The following AP3S2 variants were observed in gnomAD, a reference collection of about 807,000 sequenced individuals.
AP3S2 encodes AP-3 complex subunit sigma-2.
In AP3S2, 22 loss-of-function variants were observed where a neutral mutation model predicts 23.4. The observed-to-expected ratio is 0.94, with a 90% CI of 0.67 to 1.34. The LOEUF (loss-of-function observed/expected upper bound fraction) is 1.34, where lower values mean the gene tolerates loss of function less well. AP3S2 is among the 40% of genes most tolerant of loss of function. AP3S2 has a pLI of 0.00. For synonymous variants in AP3S2, 86 were observed against 87.1 expected, an observed-to-expected ratio of 0.99 and a Z score of 0.07; for missense variants, 241 against 236.9, an observed-to-expected ratio of 1.02 and a Z score of -0.11.
chr15:89,891,444 T>G (rs1896818366), intron 1 of AP3S2, among the ~76,000 whole-genome samples: 1 of 152,018 alleles, frequency 6.6e-6, no homozygotes, highest in African/African-American at 2.4e-5. Flanking sequence ...AGATTACTTG[T>G]GGTCAGGAGT....
Position 89,866,872 on chromosome 15 carries a change from T to C in AP3S2, c.345+4603A>G, listed in dbSNP as rs1449175634. 3.3e-5 allele frequency among the ~76,000 whole-genome samples: 5 copies of C among 152,220 alleles called. No homozygotes were observed. The East Asian group carries it at 7.7e-4, about 24-fold the overall frequency. On this transcript the variant is annotated intron_variant, in intron 4 of 5. Transcript: ENST00000336418. ...CAAAGCTACTCTCACAGGTGCCTGA[T>C]AAAAAAGACAGCATTGGAGGAGGTG...
intron 3 of AP3S2, chr15:89,877,150 AAGTT>A (rs527343339): frequency 7.1e-4 from 287 of 402,998 alleles, no homozygotes; most frequent in Non-Finnish European, 1.2e-3. Context: ...TTGATGAAGA[AAGTT>A]AGAAGACTTT....
intron 4 of AP3S2, among the ~76,000 whole-genome samples, chr15:89,859,304 C>CTTCCTTCCTTTCCTTCCTTCCTCT (rs1567179143): frequency 7.0e-6 from 1 of 143,532 alleles, no homozygotes; most frequent in African/African-American, 2.6e-5. Flanking sequence ...CTTTTTCTTC[C>CTTCCTTCCTTTCCTTCCTTCCTCT]TTCCTTCCTT....
chr15:89,889,756 C>T (rs1596225041), intron 1 of AP3S2, among the ~76,000 whole-genome samples: 1 of 149,568 alleles, frequency 6.7e-6, no homozygotes, highest in Non-Finnish European at 1.5e-5. Flanking sequence ...CCCAGCTACT[C>T]GGGAGGCTGA....
intron 3 of AP3S2, chr15:89,877,090 A>G: frequency 3.4e-6 from 1 of 296,602 alleles, no homozygotes; most frequent in Non-Finnish European, 6.7e-6. Flanking sequence ...TGTCATATAT[A>G]TGGAAATTAG....
chr15:89,887,326 T>A (rs1203612965), intron 3 of AP3S2, among the ~76,000 whole-genome samples: 1 of 152,172 alleles, frequency 6.6e-6, no homozygotes, highest in Non-Finnish European at 1.5e-5. Context: ...ACTTTTATCT[T>A]AAGAAAACAA....
chr15:89,835,226 G>A lies in AP3S2; in HGVS notation c.*289C>T. The A allele has an allele frequency of 6.0e-6, 3 of 498,914 alleles. No individual in the cohort carries two copies. The highest frequency in any genetic ancestry group is 1.0e-5 in the Non-Finnish European group (3 of 286,132). 30.9% of individuals were successfully genotyped at this position (498,914 alleles called of 1,614,324 possible). On this transcript the variant is annotated 3_prime_UTR_variant, in exon 6 of 6. Transcript: ENST00000336418. ...CCATGTGAGAGGTAAAGGTGCAAAT[G>A]ACTTGGGCATGTTGACTCCCTACTG... is the stretch of plus-strand genomic sequence containing the variant.
In AP3S2 at chr15:89,855,128, G is replaced by T. The variant is rs886604785; in HGVS notation, c.345+16347C>A. On this transcript the variant is annotated intron_variant, in intron 4 of 5. Transcript: ENST00000336418. ...AAGATTGAGAAATCGGATGGTTGCCGTGTCTGTGTAGAAAGAAGTAGACAT... is the reference window on the plus strand; with the variant it reads ...AAGATTGAGAAATCGGATGGTTGCCTTGTCTGTGTAGAAAGAAGTAGACAT... Among the ~76,000 whole-genome samples the T allele has an allele frequency of 8.3e-5, 11 of 132,746 alleles. No individual in the cohort carries two copies. In the East Asian group the frequency reaches 9.3e-4, roughly 11 times the overall value. The allele number at this position is 132,746 out of a possible 152,430, so 87.1% of individuals were successfully genotyped here.
intron 3 of AP3S2, among the ~76,000 whole-genome samples, chr15:89,880,105 T>A (rs1166114766): frequency 6.6e-6 from 1 of 151,666 alleles, no homozygotes; most frequent in Non-Finnish European, 1.5e-5. Context: ...GGATCTAGAC[T>A]TCACTGGAGT....
chr15:89,876,832 AT>A, intron 3 of AP3S2: 1 of 157,396 alleles, frequency 6.4e-6, no homozygotes. Context: ...GTTACTAGAG[AT>A]TTTGTTCTCA....
chr15:89,866,630 C>T (rs1000943172), intron 4 of AP3S2, among the ~76,000 whole-genome samples: 2 of 151,900 alleles, frequency 1.3e-5, no homozygotes, highest in Non-Finnish European at 2.9e-5. Flanking sequence ...GAATTATAGG[C>T]ATGCACCACC....
At chr15:89,869,302 G>C (rs1301413720) in intron 4 of AP3S2, among the ~76,000 whole-genome samples, 1 of 146,874 alleles carries the variant, frequency 6.8e-6, no homozygotes, top group South Asian at 2.2e-4. Context: ...AACATGTGCT[G>C]TGTCCACTCA....
intron 4 of AP3S2, among the ~76,000 whole-genome samples, chr15:89,858,487 GAAAGA>G: frequency 1.4e-5 from 1 of 69,966 alleles, no homozygotes; most frequent in African/African-American, 6.0e-5. Flanking sequence ...AAGAAAGAAA[GAAAGA>G]AAGAGAGAGA....
At chr15:89,872,552 C>G (rs542104256) in intron 3 of AP3S2, among the ~76,000 whole-genome samples, 24 of 152,164 alleles carry the variant, frequency 1.6e-4, no homozygotes, top group Non-Finnish European at 2.9e-4. Context: ...CAGACAATGA[C>G]CTCATTTAAA....
chr15:89,853,174 G>A (rs1393336294), intron 4 of AP3S2, among the ~76,000 whole-genome samples: 1 of 152,162 alleles, frequency 6.6e-6, no homozygotes, highest in Non-Finnish European at 1.5e-5. Context: ...ATCAGCAAGG[G>A]AGTTAGTAAA....
intron 1 of AP3S2, among the ~76,000 whole-genome samples, chr15:89,889,863 C>CAAAAAAA (rs940624860): frequency 1.0e-4 from 2 of 19,256 alleles, no homozygotes; most frequent in African/African-American, 3.2e-4. Flanking sequence ...GACTCCATCT[C>CAAAAAAA]AAAAAAAAAA....
chr15:89,849,656 T>G (rs570404290), intron 4 of AP3S2, among the ~76,000 whole-genome samples: 9 of 152,174 alleles, frequency 5.9e-5, no homozygotes, highest in Non-Finnish European at 8.8e-5. Flanking sequence ...CATGAGCCAC[T>G]GCGCCCAGCC....
chr15:89,878,423 T>C (rs1896493407), intron 3 of AP3S2: 1 of 486,034 alleles, frequency 2.1e-6, no homozygotes, highest in East Asian at 3.4e-5. Context: ...AATGAGCCTT[T>C]TGAAAAGTGG....
chr15:89,883,270 G>A (rs1322652033), intron 3 of AP3S2, among the ~76,000 whole-genome samples: 1 of 151,898 alleles, frequency 6.6e-6, no homozygotes, highest in African/African-American at 2.4e-5. Flanking sequence ...TATTTTCTAT[G>A]TCCATAATCC....
Sources: allele counts gnomAD v4.1 joint callset (sites outside exome capture counted in the v4.1 genomes callset), GRCh38; gene constraint gnomAD v4.1.1; transcripts MANE v1.5; gene names NCBI Gene and HGNC (gene_info 2026-07-23, HGNC 2026-07-21).